The following MYO10 variants were observed in gnomAD, a reference collection of about 807,000 sequenced individuals.
The protein encoded by MYO10 is unconventional myosin-X.
A neutral mutation model predicts 257.3 loss-of-function variants in MYO10; 133 were observed. That is an observed-to-expected ratio of 0.52 (90% confidence interval 0.45 to 0.60). MYO10 has a LOEUF of 0.60. Ranked by LOEUF, MYO10 falls within the 20% of genes least tolerant of loss-of-function variation. MYO10 has a pLI of 0.00. For missense variants in MYO10, 2,399 were observed against 2,635.7 expected, an observed-to-expected ratio of 0.91 and a Z score of 1.97; for synonymous variants, 1,104 against 1,028.6, an observed-to-expected ratio of 1.07 and a Z score of -1.40.
intron 19 of MYO10, among the ~76,000 whole-genome samples, chr5:16,715,120 A>T (rs1243475271): frequency 1.1e-3 from 102 of 94,372 alleles, no homozygotes; most frequent in Non-Finnish European, 1.5e-3. Flanking sequence ...AAAATTTTTT[A>T]AAAGAACAAC....
chr5:16,689,866 T>A lies in MYO10; in HGVS notation c.3854A>T (p.Asp1285Val), dbSNP rs756786980. The change falls in exon 28 of 41, where the codon GAT (aspartate) becomes GTT (valine). Residue 1285 changes from aspartate (D) to valine (V), a missense_variant. By Grantham distance (152) the Asp-to-Val change is radical. Around this residue, in one of 3 missense-constraint regions of MYO10, gnomAD observed 1,820 missense variants for 1,939.4 expected, o/e 0.94. Transcript: ENST00000513610. ...KENGIDIIMA[D>V]RTFHLIAESP... is the part of the protein sequence containing the mutation. ...CTCTGCAATCAGGTGGAAAGTCCTA[T>A]CGGCCATAATGATGTCGATCCCATT... 3.1e-6 allele frequency: 5 copies of A among 1,613,808 alleles called. No homozygotes were observed. The highest frequency in any genetic ancestry group is 4.2e-6 in the Non-Finnish European group (5 of 1,179,842).
chr5:16,675,205 G>A (rs1736670303), intron 34 of MYO10, 55 bp from the exon 35 acceptor site: 1 of 1,572,524 alleles, frequency 6.4e-7, no homozygotes, highest in Non-Finnish European at 8.7e-7. Context: ...AATAGGGCAT[G>A]AGCATAATCG....
chr5:16,761,337 A>T (rs1303405577), intron 17 of MYO10, 127 bp downstream of exon 17: 2 of 739,782 alleles, frequency 2.7e-6, no homozygotes, highest in Non-Finnish European at 4.5e-6. Context: ...TTGATGAAGT[A>T]TTACCTGGGA....
chr5:16,736,905 C>T (rs1739827274), intron 19 of MYO10, among the ~76,000 whole-genome samples: 2 of 152,252 alleles, frequency 1.3e-5, no homozygotes, highest in East Asian at 1.9e-4. Flanking sequence ...TAGACCCCTA[C>T]TTATGTGTTA....
chr5:16,735,217 A>T (rs1739741614), intron 19 of MYO10, among the ~76,000 whole-genome samples: 1 of 152,242 alleles, frequency 6.6e-6, no homozygotes, highest in African/African-American at 2.4e-5. Flanking sequence ...CTGAGCAAAC[A>T]GCAACAAATC....
chr5:16,875,042 C>T (rs2562337), intron 2 of MYO10, among the ~76,000 whole-genome samples: 10,356 of 152,140 alleles, frequency 0.068, 997 homozygotes, highest in African/African-American at 0.22. Context: ...TTTGCTATCA[C>T]AAGAATAGCA....
chr5:16,740,055 T>G lies in MYO10; in HGVS notation c.1929+14773A>C, dbSNP rs369227760. 1.4e-4 allele frequency among the ~76,000 whole-genome samples: 21 copies of G among 152,250 alleles called. No homozygotes were observed. The East Asian group carries it at 3.5e-3, about 25-fold the overall frequency. ...ACAGAGTGAAGTGCTGAAGAGCTAA[T>G]GAAGCAGAGTGGACCATCTGCACAG... On this transcript the variant is annotated intron_variant, in intron 19 of 40. Coordinates refer to ENST00000513610, the MANE Select transcript of MYO10 (RefSeq NM_012334.3).
chr5:16,742,305 A>G, intron 19 of MYO10: 2 of 949,550 alleles, frequency 2.1e-6, no homozygotes, highest in Non-Finnish European at 2.5e-6. Flanking sequence ...ACAACTTGGT[A>G]AACAGGATGG....
chr5:16,743,157 G>A (rs1740072695), intron 19 of MYO10, among the ~76,000 whole-genome samples: 1 of 152,058 alleles, frequency 6.6e-6, no homozygotes, highest in Non-Finnish European at 1.5e-5. Context: ...GAATGTCAAC[G>A]AGGTGCTTTC....
chr5:16,718,050 C>A (rs506740), intron 19 of MYO10, among the ~76,000 whole-genome samples: 119,368 of 151,856 alleles, frequency 0.79, 47,341 homozygotes, highest in Non-Finnish European at 0.83. Flanking sequence ...CTCGGAGCAG[C>A]CAGCCAGCCC....
intron 25 of MYO10, 67 bp from the exon 26 acceptor site, chr5:16,699,640 C>G (rs772400872): frequency 6.3e-7 from 1 of 1,594,404 alleles, no homozygotes; most frequent in Non-Finnish European, 8.6e-7. Flanking sequence ...AGATACCCAG[C>G]ATGTATCATC....
intron 2 of MYO10, among the ~76,000 whole-genome samples, chr5:16,868,872 T>A (rs907544795): frequency 1.3e-5 from 2 of 152,204 alleles, no homozygotes; most frequent in Non-Finnish European, 2.9e-5. Flanking sequence ...CCTATAGTAG[T>A]TTAAATTTTA....
At chr5:16,677,822 G>A (rs552258548) in intron 33 of MYO10, among the ~76,000 whole-genome samples, 79 of 151,696 alleles carry the variant, frequency 5.2e-4, no homozygotes, top group Non-Finnish European at 6.5e-4. Context: ...GTGCAATGGC[G>A]TGATCTCGGC....
intron 10 of MYO10, among the ~76,000 whole-genome samples, chr5:16,768,664 C>CTT (rs34950225): frequency 0.33 from 23,667 of 70,660 alleles, 3,882 homozygotes; most frequent in South Asian, 0.4. Context: ...TTTCTCTTTT[C>CTT]TTTTTTTTTT....
At chr5:16,688,795 A>G (rs1737363259) in intron 28 of MYO10, among the ~76,000 whole-genome samples, 1 of 151,798 alleles carries the variant, frequency 6.6e-6, no homozygotes. Flanking sequence ...AGACACCTCC[A>G]GCATAACCCT....
intron 19 of MYO10, among the ~76,000 whole-genome samples, chr5:16,730,449 G>A (rs1333005479): frequency 6.6e-6 from 1 of 152,106 alleles, no homozygotes; most frequent in Non-Finnish European, 1.5e-5. Flanking sequence ...ATGGGGAAGG[G>A]GCTTAGTCCT....
At chr5:16,723,833 T>C (rs182641363) in intron 19 of MYO10, among the ~76,000 whole-genome samples, 2 of 152,328 alleles carry the variant, frequency 1.3e-5, no homozygotes, top group Admixed American at 6.5e-5. Flanking sequence ...TACATAGTGC[T>C]AGGTGAAAGA....
intron 9 of MYO10, among the ~76,000 whole-genome samples, chr5:16,769,447 G>A (rs763482425): frequency 2.0e-5 from 3 of 152,138 alleles, no homozygotes; most frequent in Non-Finnish European, 4.4e-5. Flanking sequence ...CAATTCTCGT[G>A]CCTCAGCCTC....
Position 16,758,135 on chromosome 5 carries a change from C to T in MYO10, c.1831G>A (p.Val611Ile), listed in dbSNP as rs1740588750. 6.2e-7 allele frequency: 1 copy of T among 1,611,322 alleles called. No homozygotes were observed. Among genetic ancestry groups the T allele is most frequent in the Admixed American group, 1.7e-5 (1 of 60,006 alleles). ...KCGSKHRRPTVSSQFKDSLHS... is the reference protein window; with the variant it reads ...KCGSKHRRPTISSQFKDSLHS... Reference sequence around the variant, plus strand: ...AAACGAACCTTGAACTGTGAGCTGACTGTAGGCCGCCGATGTTTGCTTCCA... The same window carrying T: ...AAACGAACCTTGAACTGTGAGCTGATTGTAGGCCGCCGATGTTTGCTTCCA... Residue 611 changes from valine to isoleucine, a missense_variant, in exon 18 of 41, where the codon GTC becomes ATC. Physicochemically the swap from Val to Ile is conservative, Grantham distance 29. Coordinates refer to ENST00000513610, the MANE Select transcript of MYO10 (RefSeq NM_012334.3).
Sources: gnomAD v4.1 joint callset for allele counts (sites outside exome capture counted in the v4.1 genomes callset) on GRCh38, gnomAD v4.1.1 for gene constraint, gnomAD v4.1.1 regional missense constraint, MANE v1.5 for transcripts, NCBI Gene and HGNC (gene_info 2026-07-23, HGNC 2026-07-21) for gene names.